The following FSHR variants were observed in gnomAD, a reference collection of about 807,000 sequenced individuals.
FSHR encodes follicle-stimulating hormone receptor.
FSHR carries 46 observed loss-of-function variants against 52.1 expected under a neutral mutation model. The observed-to-expected ratio is 0.88, with a 90% CI of 0.70 to 1.13. FSHR has a LOEUF of 1.13. FSHR is among the 50% of genes most tolerant of loss of function. The pLI, the probability that FSHR is intolerant of heterozygous loss-of-function variation, is 0.00. For synonymous variants in FSHR, 399 were observed against 309.6 expected, an observed-to-expected ratio of 1.29 and a Z score of -3.03; for missense variants, 964 against 834.6, an observed-to-expected ratio of 1.16 and a Z score of -1.91.
chr2:49,101,574 G>A lies in FSHR; in HGVS notation c.153-33284C>T, dbSNP rs371430925. ...AAGAAGGCAAGAACATTTACTCCAA[G>A]TGTGGGGGTATGGTTCAGAATAACA... On this transcript the variant is annotated intron_variant, in intron 1 of 9. Coordinates refer to ENST00000406846, the MANE Select transcript of FSHR (RefSeq NM_000145.4). Among the ~76,000 whole-genome samples the A allele has an allele frequency of 9.8e-5, 15 of 152,308 alleles. No homozygotes were observed. In the South Asian group the frequency reaches 3.1e-3, roughly 32 times the overall value.
At chr2:49,116,055 C>G (rs912221467) in intron 1 of FSHR, among the ~76,000 whole-genome samples, 1 of 152,100 alleles carries the variant, frequency 6.6e-6, no homozygotes, top group African/African-American at 2.4e-5. Flanking sequence ...TTTGGGTAAG[C>G]AAACCTGCAA....
At chr2:49,153,997 G>A (rs1156578087) in intron 1 of FSHR, among the ~76,000 whole-genome samples, 1 of 152,112 alleles carries the variant, frequency 6.6e-6, no homozygotes, top group Non-Finnish European at 1.5e-5. Flanking sequence ...CAAATGCATT[G>A]AAAAGACAAA....
At chr2:49,081,548 C>T (rs2103657376) in intron 1 of FSHR, among the ~76,000 whole-genome samples, 1 of 152,232 alleles carries the variant, frequency 6.6e-6, no homozygotes, top group Admixed American at 6.5e-5. Context: ...TGTTTTTAAA[C>T]AGCTATTTAA....
intron 1 of FSHR, among the ~76,000 whole-genome samples, chr2:49,118,209 G>C (rs1315959256): frequency 3.3e-5 from 5 of 152,136 alleles, no homozygotes; most frequent in Admixed American, 6.5e-5. Flanking sequence ...AGCAGGAGTT[G>C]AGAGATGTAT....
intron 6 of FSHR, among the ~76,000 whole-genome samples, chr2:48,983,499 G>A (rs1309023992): frequency 6.6e-6 from 1 of 152,176 alleles, no homozygotes; most frequent in Non-Finnish European, 1.5e-5. Flanking sequence ...GCAATGCGGG[G>A]AGCGACAGAT....
chr2:48,983,757 G>T (rs537148666), intron 6 of FSHR, among the ~76,000 whole-genome samples: 200 of 152,282 alleles, frequency 1.3e-3, no homozygotes, highest in African/African-American at 4.6e-3. Flanking sequence ...AGCCAGAAAG[G>T]AAGAGAAATC....
intron 1 of FSHR, among the ~76,000 whole-genome samples, chr2:49,107,693 G>A (rs1478578707): frequency 6.6e-6 from 1 of 152,044 alleles, no homozygotes; most frequent in Non-Finnish European, 1.5e-5. Context: ...TTCTTATGTT[G>A]TAGTCCTTTT....
chr2:49,021,831 T>TTCTCTCTCTCTCTCTCTCTCTC (rs1553334822), intron 2 of FSHR, among the ~76,000 whole-genome samples: 1 of 46,532 alleles, frequency 2.1e-5, no homozygotes, highest in Non-Finnish European at 3.9e-5. Context: ...GGGTATGTGT[T>TTCTCTCTCTCTCTCTCTCTCTC]TCTCTCTCTC....
chr2:49,053,869 A>G (rs1443113221), intron 2 of FSHR, among the ~76,000 whole-genome samples: 1 of 152,170 alleles, frequency 6.6e-6, no homozygotes, highest in Middle Eastern at 3.2e-3. Context: ...GTTGTTTCAG[A>G]TACTGAGATT....
chr2:49,105,529 CA>C (rs1671190887), intron 1 of FSHR, among the ~76,000 whole-genome samples: 1 of 152,006 alleles, frequency 6.6e-6, no homozygotes, highest in African/African-American at 2.4e-5. Flanking sequence ...TGAGGCTGGG[CA>C]AAAATAAATG....
At chr2:48,981,498 T>G (rs1207358034) in intron 8 of FSHR, among the ~76,000 whole-genome samples, 1 of 152,220 alleles carries the variant, frequency 6.6e-6, no homozygotes, top group Non-Finnish European at 1.5e-5. Context: ...AGAATTGGTC[T>G]AAACCAAGGC....
intron 2 of FSHR, among the ~76,000 whole-genome samples, chr2:49,023,399 G>A (rs1002757455): frequency 6.6e-6 from 1 of 152,132 alleles, no homozygotes; most frequent in Non-Finnish European, 1.5e-5. Context: ...AAATCTTCAG[G>A]CCTATGAATA....
chr2:49,139,079 T>TA (rs1174611705), intron 1 of FSHR, among the ~76,000 whole-genome samples: 2 of 152,208 alleles, frequency 1.3e-5, no homozygotes, highest in Non-Finnish European at 2.9e-5. Flanking sequence ...TCACTGGGCT[T>TA]CATTTTACAT....
chr2:48,975,627 A>C (rs186610837), intron 8 of FSHR, among the ~76,000 whole-genome samples: 20 of 152,190 alleles, frequency 1.3e-4, no homozygotes, highest in Non-Finnish European at 1.5e-5. Flanking sequence ...ATGTGAGCCA[A>C]TGTCCCTAAG....
chr2:49,132,124 T>G (rs1672299834), intron 1 of FSHR, among the ~76,000 whole-genome samples: 1 of 152,210 alleles, frequency 6.6e-6, no homozygotes, highest in South Asian at 2.1e-4. Context: ...ATACACTGTT[T>G]AAGTGTTTAG....
rs371234092 is a variant in FSHR at position 49,111,958 on chromosome 2, G to A, written c.152+42308C>T. On this transcript the variant is annotated intron_variant, in intron 1 of 9. Coordinates refer to ENST00000406846, the MANE Select transcript of FSHR (RefSeq NM_000145.4). The stretch of plus-strand genomic sequence containing the variant: ...GGAAGTAGGGCTGACAATATTGCCC[G>A]TAATTTATAGAAGAGGGAACTGAGG... Among the ~76,000 whole-genome samples the A allele has an allele frequency of 1.8e-4, 27 of 152,252 alleles. 1 individual carries two copies. In the East Asian group the frequency reaches 3.3e-3, roughly 18 times the overall value.
At chr2:48,990,205 A>G (rs1428711767) in intron 5 of FSHR, among the ~76,000 whole-genome samples, 1 of 152,198 alleles carries the variant, frequency 6.6e-6, no homozygotes, top group Non-Finnish European at 1.5e-5. Context: ...TGCCCAGGGC[A>G]GCATAGCAAT....
chr2:48,971,422 C>T (rs1424778045), intron 8 of FSHR, among the ~76,000 whole-genome samples: 1 of 152,188 alleles, frequency 6.6e-6, no homozygotes, highest in African/African-American at 2.4e-5. Context: ...GCCCCAGTTC[C>T]TGGACATCAG....
At chr2:49,147,729 T>TTG in intron 1 of FSHR, among the ~76,000 whole-genome samples, 1 of 133,320 alleles carries the variant, frequency 7.5e-6, no homozygotes, top group African/African-American at 3.4e-5. Context: ...CCTTTAGTCA[T>TTG]TTTTTTTTTT....
Sources: allele counts gnomAD v4.1 joint callset (sites outside exome capture counted in the v4.1 genomes callset), GRCh38; gene constraint gnomAD v4.1.1; transcripts MANE v1.5; gene names NCBI Gene and HGNC (gene_info 2026-07-23, HGNC 2026-07-21).